Variants in TADA2A observed in about 807,000 individuals in gnomAD.
TADA2A encodes the protein transcriptional adapter 2-alpha.
In TADA2A, 38 loss-of-function variants were observed where a neutral mutation model predicts 67.4. The observed-to-expected ratio is 0.56, with a 90% CI of 0.44 to 0.74. TADA2A has a LOEUF of 0.74. Ranked by LOEUF, TADA2A falls within the 30% of genes least tolerant of loss-of-function variation. TADA2A has a pLI of 0.00. For synonymous variants in TADA2A, 192 were observed against 181.6 expected (o/e 1.06, Z -0.46); for missense variants, 454 against 547.0 (o/e 0.83, Z 1.70).
At chr17:37,461,628 G>T (rs975826396) in intron 9 of TADA2A, among the ~76,000 whole-genome samples, 1 of 152,100 alleles carries the variant, frequency 6.6e-6, no homozygotes, top group Non-Finnish European at 1.5e-5. Context: ...TTCTAGTACC[G>T]CCAGTGTTGT....
chr17:37,460,308 C>T (rs2053517822), intron 9 of TADA2A, among the ~76,000 whole-genome samples: 4 of 151,844 alleles, frequency 2.6e-5, no homozygotes, highest in East Asian at 1.9e-4. Flanking sequence ...TGTAATGGCG[C>T]GATCTCAGCT....
chr17:37,420,116 G>A (rs1389222816), intron 2 of TADA2A, among the ~76,000 whole-genome samples: 6 of 146,510 alleles, frequency 4.1e-5, no homozygotes, highest in South Asian at 2.2e-4. Context: ...AAGTGAGGAA[G>A]AGGGTAACTT....
At chr17:37,414,160 A>G (rs1228676848) in intron 2 of TADA2A, among the ~76,000 whole-genome samples, 1 of 152,126 alleles carries the variant, frequency 6.6e-6, no homozygotes, top group Non-Finnish European at 1.5e-5. Flanking sequence ...ATAGTATTCC[A>G]TGGTATATAT....
intron 3 of TADA2A, among the ~76,000 whole-genome samples, chr17:37,424,377 C>T (rs1294382219): frequency 2.0e-5 from 3 of 149,584 alleles, no homozygotes; most frequent in East Asian, 4.0e-4. Flanking sequence ...TTTTTTGAGA[C>T]GAAGTCTCGC....
intron 2 of TADA2A, among the ~76,000 whole-genome samples, chr17:37,413,478 A>G (rs754453597): frequency 2.0e-5 from 3 of 152,130 alleles, no homozygotes; most frequent in African/African-American, 7.2e-5. Flanking sequence ...CTTTTACTCC[A>G]TCTGCTTTGT....
intron 3 of TADA2A, among the ~76,000 whole-genome samples, chr17:37,425,595 G>A (rs2052380797): frequency 6.6e-6 from 1 of 152,094 alleles, no homozygotes; most frequent in Non-Finnish European, 1.5e-5. Flanking sequence ...ATGTAAAACT[G>A]GCTGATGAAA....
At position 37,453,669 on chromosome 17, in the gene TADA2A, A is replaced by G. The variant is rs372474447; in HGVS notation, c.605-4855A>G. 4.6e-5 allele frequency among the ~76,000 whole-genome samples: 7 copies of G among 152,044 alleles called. No homozygotes were observed. The East Asian group carries it at 1.2e-3, about 25-fold the overall frequency. Reference sequence around the variant, plus strand: ...TGGATCTCACATTCTTTGGATGAGGAATGAGATTGTATTACTCTTCAGAGT... The same window carrying G: ...TGGATCTCACATTCTTTGGATGAGGGATGAGATTGTATTACTCTTCAGAGT... On this transcript the variant is annotated intron_variant, in intron 8 of 15. Coordinates refer to ENST00000615182, the MANE Select transcript of TADA2A (RefSeq NM_001166105.3).
intron 8 of TADA2A, among the ~76,000 whole-genome samples, chr17:37,455,916 G>A (rs1023310300): frequency 6.6e-6 from 1 of 151,966 alleles, no homozygotes; most frequent in African/African-American, 2.4e-5. Context: ...TAGGAAACAA[G>A]AATGGGGCCG....
intron 2 of TADA2A, among the ~76,000 whole-genome samples, chr17:37,417,732 G>A (rs569143371): frequency 1.9e-4 from 29 of 152,030 alleles, no homozygotes; most frequent in African/African-American, 5.5e-4. Context: ...GTGGGGTTTC[G>A]CCATCTTGAC....
chr17:37,434,144 C>A (rs2147951383), intron 4 of TADA2A, among the ~76,000 whole-genome samples: 1 of 152,328 alleles, frequency 6.6e-6, no homozygotes, highest in African/African-American at 2.4e-5. Flanking sequence ...TTTCCTTGTT[C>A]ATGACCTTGA....
chr17:37,449,443 A>G (rs1432790930), intron 8 of TADA2A, among the ~76,000 whole-genome samples: 1 of 152,122 alleles, frequency 6.6e-6, no homozygotes, highest in Non-Finnish European at 1.5e-5. Flanking sequence ...AAGTCATTTA[A>G]TCCTCAAAAC....
At chr17:37,435,669 T>C (rs953455718) in intron 4 of TADA2A, among the ~76,000 whole-genome samples, 5 of 151,960 alleles carry the variant, frequency 3.3e-5, no homozygotes, top group African/African-American at 1.2e-4. Context: ...AGACTCTACC[T>C]CCCGGGTTCA....
intron 9 of TADA2A, 113 bp from the exon 10 acceptor site, chr17:37,461,965 C>A: frequency 1.2e-6 from 1 of 844,444 alleles, no homozygotes; most frequent in Non-Finnish European, 1.9e-6. Flanking sequence ...CTTTGGACCT[C>A]TGTATTGTAT....
intron 8 of TADA2A, among the ~76,000 whole-genome samples, chr17:37,452,265 T>A: frequency 6.6e-6 from 1 of 151,980 alleles, no homozygotes; most frequent in East Asian, 1.9e-4. Context: ...TAGCTGGGTA[T>A]GGTGGCGTGC....
At chr17:37,411,493 G>C (rs2051867637) in intron 2 of TADA2A, 103 bp downstream of exon 2, 1 of 1,114,586 alleles carries the variant, frequency 9.0e-7, no homozygotes, top group Non-Finnish European at 1.3e-6. Context: ...CATGATGTTG[G>C]CTCACTGCAA....
At chr17:37,455,882 T>C (rs1013154384) in intron 8 of TADA2A, among the ~76,000 whole-genome samples, 2 of 151,680 alleles carry the variant, frequency 1.3e-5, no homozygotes, top group African/African-American at 4.8e-5. Flanking sequence ...GTATGCATGG[T>C]GTATAGGGCA....
chr17:37,437,607 G>A (rs1308619843), intron 4 of TADA2A, 131 bp from the exon 5 acceptor site: 21 of 694,538 alleles, frequency 3.0e-5, no homozygotes, highest in Non-Finnish European at 4.4e-5. Context: ...GGCTGGTCTC[G>A]AACTCCTGAC....
At chr17:37,438,249 A>C (rs2052792464) in intron 5 of TADA2A, among the ~76,000 whole-genome samples, 1 of 152,180 alleles carries the variant, frequency 6.6e-6, no homozygotes, top group Admixed American at 6.5e-5. Flanking sequence ...AGACTTCCTG[A>C]TAGCATTCTC....
At chr17:37,418,734 C>T (rs1036538407) in intron 2 of TADA2A, among the ~76,000 whole-genome samples, 5 of 151,410 alleles carry the variant, frequency 3.3e-5, no homozygotes, top group African/African-American at 4.9e-5. Context: ...TGGGATTAGG[C>T]GCCCACCACC....
Sources: allele counts gnomAD v4.1 joint callset (sites outside exome capture counted in the v4.1 genomes callset), GRCh38; gene constraint gnomAD v4.1.1; transcripts MANE v1.5; gene names NCBI Gene and HGNC (gene_info 2026-07-23, HGNC 2026-07-21).